The following DLGAP4 variants were observed in gnomAD, a reference collection of about 807,000 sequenced individuals.
The protein encoded by DLGAP4 is disks large-associated protein 4.
DLGAP4 carries 18 observed loss-of-function variants against 86.9 expected under a neutral mutation model. The observed-to-expected ratio is 0.21, with a 90% CI of 0.14 to 0.31. The LOEUF is 0.31. Ranked by LOEUF, DLGAP4 falls within the 10% of genes least tolerant of loss-of-function variation. The pLI, the probability that DLGAP4 is intolerant of heterozygous loss-of-function variation, is 1.00. For synonymous variants in DLGAP4, 548 were observed against 574.3 expected, an observed-to-expected ratio of 0.95 and a Z score of 0.65; for missense variants, 1,085 against 1,362.6, an observed-to-expected ratio of 0.80 and a Z score of 3.21.
chr20:36,500,373 C>T lies in DLGAP4; in HGVS notation c.2274C>T (p.Ile758=), dbSNP rs369468074. The change falls in exon 10 of 13, where the codon ATC becomes ATT. Residue 758 remains isoleucine, a synonymous_variant. Transcript: ENST00000339266. This position sits in a 1 kb window ranked among gnomAD's most constrained non-coding sequence, Gnocchi z 4.6. ...GPRQAPKIAQ[I]KRNLSYGDNS... ...GGCAGGCCCCCAAGATTGCCCAGAT[C>T]AAGCGCAACCTCTCCTATGGAGACA... The T allele has an allele frequency of 1.2e-6, 2 of 1,610,182 alleles. No individual in the cohort carries two copies. Among genetic ancestry groups the T allele is most frequent in the East Asian group, 2.2e-5 (1 of 44,814 alleles).
intron 1 of DLGAP4, among the ~76,000 whole-genome samples, chr20:36,343,970 G>A (rs1232428117): frequency 1.3e-5 from 2 of 152,220 alleles, no homozygotes; most frequent in Non-Finnish European, 2.9e-5. Context: ...GGAGCTGCCT[G>A]CCTGCTGTTC....
rs2065002751 is a variant in DLGAP4, at chr20:36,306,408, G to C, written c.-408G>C. 6.7e-6 allele frequency: 1 copy of C among 149,396 alleles called. No individual in the cohort carries two copies. The highest frequency in any genetic ancestry group is 2.4e-5 in the African/African-American group (1 of 41,050). The allele number at this position is 149,396 out of a possible 1,614,324, so 9.3% of individuals were successfully genotyped here. On this transcript the variant is annotated 5_prime_UTR_variant, in exon 1 of 13. Transcript: ENST00000339266. The surrounding 1 kb of genome is among the most constrained non-coding windows in gnomAD (Gnocchi z 4.9). The stretch of plus-strand genomic sequence containing the variant: ...GGCGCCCGCGGGCCGGAGCCGGGGC[G>C]GGGGCCGGGGCCTAGGCGCGCGGAC...
At chr20:36,352,321 C>T (rs2030183224) in intron 1 of DLGAP4, among the ~76,000 whole-genome samples, 1 of 152,082 alleles carries the variant, frequency 6.6e-6, no homozygotes, top group African/African-American at 2.4e-5. Flanking sequence ...GGGCTTTGAG[C>T]AGAGACTGTG....
At chr20:36,309,588 G>A (rs1473762187) in intron 1 of DLGAP4, among the ~76,000 whole-genome samples, 1 of 152,232 alleles carries the variant, frequency 6.6e-6, no homozygotes, top group South Asian at 2.1e-4. Flanking sequence ...CAGCAGGTCT[G>A]TGGGACCCCA....
chr20:36,319,491 C>A (rs1569453448), intron 1 of DLGAP4, among the ~76,000 whole-genome samples: 1 of 152,232 alleles, frequency 6.6e-6, no homozygotes, highest in Non-Finnish European at 1.5e-5. Flanking sequence ...CCCCCGGAAC[C>A]TTCTGGCACT....
chr20:36,441,148 C>G (rs1272364822), intron 5 of DLGAP4, among the ~76,000 whole-genome samples: 1 of 152,164 alleles, frequency 6.6e-6, no homozygotes, highest in Non-Finnish European at 1.5e-5. Context: ...TGGCTCCCAC[C>G]TCCCCCTGAG....
In DLGAP4 at chr20:36,503,479, C is replaced by CTTTTT. The variant is rs982287997; in HGVS notation, c.2512+2890_2512+2894dup. On this transcript the variant is annotated intron_variant, in intron 10 of 12. Coordinates refer to ENST00000339266, the MANE Select transcript of DLGAP4 (RefSeq NM_001365621.2). ...TAAACAGAATCATACCATATATGGCCTTTTTTTTTTTTTTTTTTTTTTTTT... is the reference window on the plus strand; with the variant it reads ...TAAACAGAATCATACCATATATGGCCTTTTTTTTTTTTTTTTTTTTTTTTTTTTTT... Among the ~76,000 whole-genome samples the CTTTTT allele has an allele frequency of 1.2e-4, 13 of 109,906 alleles. 1 individual carries two copies. The highest frequency in any genetic ancestry group is 4.3e-4 in the African/African-American group (9 of 20,854). 72.1% of individuals were successfully genotyped at this position (109,906 alleles called of 152,430 possible). A position where few individuals can be genotyped will look rare whatever the true frequency, so the allele number is the denominator to read the frequency against.
At chr20:36,399,189 C>A (rs2032083413) in intron 2 of DLGAP4, among the ~76,000 whole-genome samples, 1 of 152,250 alleles carries the variant, frequency 6.6e-6, no homozygotes, top group Admixed American at 6.5e-5. Flanking sequence ...GAGTGAGACT[C>A]TGTCTCAAAA....
intron 2 of DLGAP4, among the ~76,000 whole-genome samples, chr20:36,397,495 G>T (rs1281387055): frequency 6.6e-6 from 1 of 151,934 alleles, no homozygotes. Flanking sequence ...TCCCTTCTTT[G>T]GATTTATTTT....
intron 7 of DLGAP4, among the ~76,000 whole-genome samples, chr20:36,466,005 A>G (rs1391481093): frequency 1.3e-5 from 2 of 152,154 alleles, no homozygotes; most frequent in Admixed American, 6.5e-5. Flanking sequence ...TGACCTTGGC[A>G]GGTCACGCCA....
chr20:36,355,298 C>CTT lies in DLGAP4; in HGVS notation c.-303-11733_-303-11732dup, dbSNP rs530582187. On this transcript the variant is annotated intron_variant, in intron 1 of 12. Transcript: ENST00000339266. ...CTTGTTCTTTTTTCTTTCTTTCTTTCTTTTTTTTTTTTTTTAAGAGACAGG... is the reference window on the plus strand; with the variant it reads ...CTTGTTCTTTTTTCTTTCTTTCTTTCTTTTTTTTTTTTTTTTTAAGAGACAGG... 6.1e-4 allele frequency among the ~76,000 whole-genome samples: 83 copies of CTT among 135,094 alleles called. 1 individual carries two copies. The highest frequency in any genetic ancestry group is 2.0e-3 in the African/African-American group (66 of 32,920). 88.6% of individuals were successfully genotyped at this position (135,094 alleles called of 152,430 possible). A position where few individuals can be genotyped will look rare whatever the true frequency, so the allele number is the denominator to read the frequency against.
At chr20:36,429,726 G>T (rs995275808) in intron 2 of DLGAP4, among the ~76,000 whole-genome samples, 19 of 152,222 alleles carry the variant, frequency 1.2e-4, no homozygotes, top group Admixed American at 1.2e-3. Context: ...TTCTTATAGG[G>T]ACCGTGTGAT....
intron 7 of DLGAP4, chr20:36,462,166 G>A (rs2034114524): frequency 1.9e-6 from 2 of 1,043,668 alleles, no homozygotes; most frequent in African/African-American, 1.7e-5. Flanking sequence ...TCCACTGGGA[G>A]CTCCTAGGTC....
At chr20:36,497,656 C>T (rs1289092408) in intron 8 of DLGAP4, 3 of 985,632 alleles carry the variant, frequency 3.0e-6, no homozygotes, top group Non-Finnish European at 3.6e-6. Flanking sequence ...ATGCCGGTCT[C>T]ACTGCCTCCC....
chr20:36,442,669 C>T (rs1306909129), intron 5 of DLGAP4, 58 bp from the exon 6 acceptor site: 5 of 1,591,448 alleles, frequency 3.1e-6, no homozygotes, highest in Middle Eastern at 1.7e-4. Context: ...GACCCTGAAT[C>T]CCCCACCCCA....
At chr20:36,516,668 G>GAA (rs747235286) in intron 10 of DLGAP4, among the ~76,000 whole-genome samples, 43 of 77,044 alleles carry the variant, frequency 5.6e-4, no homozygotes, top group African/African-American at 9.0e-4. Context: ...TCCGTCTCAG[G>GAA]AAAAAAAAAA....
intron 7 of DLGAP4, among the ~76,000 whole-genome samples, chr20:36,482,080 C>T (rs1355874898): frequency 2.0e-5 from 3 of 152,182 alleles, no homozygotes; most frequent in Admixed American, 6.5e-5. Flanking sequence ...AGTGAACTCA[C>T]GGTTTTCCCC....
intron 2 of DLGAP4, among the ~76,000 whole-genome samples, chr20:36,383,160 G>A (rs928043772): frequency 6.6e-6 from 1 of 152,166 alleles, no homozygotes; most frequent in African/African-American, 2.4e-5. Context: ...TGGCTCCGCT[G>A]GGGTCTCCAC....
At chr20:36,392,475 G>A (rs909096067) in intron 2 of DLGAP4, among the ~76,000 whole-genome samples, 5 of 150,606 alleles carry the variant, frequency 3.3e-5, no homozygotes, top group Non-Finnish European at 5.9e-5. Flanking sequence ...AGATTCAAGC[G>A]ATTCTCCTGC....
Sources: gnomAD v4.1 joint callset for allele counts (sites outside exome capture counted in the v4.1 genomes callset) on GRCh38, gnomAD v4.1.1 for gene constraint, Gnocchi (gnomAD v3.1) non-coding constraint, MANE v1.5 for transcripts, NCBI Gene and HGNC (gene_info 2026-07-23, HGNC 2026-07-21) for gene names.